ATP8B2: variants seen among roughly 807,000 people sequenced by gnomAD.
The protein encoded by ATP8B2 is phospholipid-transporting ATPase ID.
A neutral mutation model predicts 133.4 loss-of-function variants in ATP8B2; 70 were observed. The observed-to-expected ratio is 0.52, with a 90% CI of 0.43 to 0.64. ATP8B2 has a LOEUF of 0.64. ATP8B2 is among the 30% of genes least tolerant of loss of function. ATP8B2 has a pLI of 0.00. For synonymous variants in ATP8B2, 517 were observed against 589.5 expected, an observed-to-expected ratio of 0.88 and a Z score of 1.78; for missense variants, 1,101 against 1,535.7, an observed-to-expected ratio of 0.72 and a Z score of 4.73.
rs1686458573 is a variant in ATP8B2 at position 154,343,584 on chromosome 1, G to A, written c.1758+16G>A. On this transcript the variant is annotated intron_variant, in intron 17 of 27. Coordinates refer to ENST00000368489, the MANE Select transcript of ATP8B2 (RefSeq NM_001370597.1). This position sits in a 1 kb window ranked among gnomAD's most constrained non-coding sequence, Gnocchi z 5.8. ...CCACCTTAATGTGGGTGTGAGGAGA[G>A]GAGGGGCCAGCCTGGGGGGTTCTAC... The A allele has an allele frequency of 6.2e-7, 1 of 1,610,754 alleles. No individual in the cohort carries two copies. The highest frequency in any genetic ancestry group is 1.3e-5 in the African/African-American group (1 of 74,842).
In ATP8B2 at chr1:154,331,894, T is replaced by A; in HGVS notation, c.439-60T>A. 6 of 1,529,464 alleles carry A rather than the reference T, an allele frequency of 3.9e-6. No homozygotes were observed. The highest frequency in any genetic ancestry group is 5.4e-6 in the Non-Finnish European group (6 of 1,103,398). The allele number at this position is 1,529,464 out of a possible 1,614,324, so 94.7% of individuals were successfully genotyped here. A position where few individuals can be genotyped will look rare whatever the true frequency, so the allele number is the denominator to read the frequency against. ...AATGCTTAGTGGAAGGAGCCACCAT[T>A]ACAGCCCACTGGGGGTGGAGGTTTG... is the stretch of plus-strand genomic sequence containing the variant. On this transcript the variant is annotated intron_variant, in intron 7 of 27. Coordinates refer to ENST00000368489, the MANE Select transcript of ATP8B2 (RefSeq NM_001370597.1). The surrounding 1 kb of genome is among the most constrained non-coding windows in gnomAD (Gnocchi z 4.8).
At position 154,331,784 on chromosome 1, in the gene ATP8B2, G is replaced by A; in HGVS notation, c.438+106G>A. 1 of 1,382,364 alleles carries A rather than the reference G, an allele frequency of 7.2e-7. No homozygotes were observed. The highest frequency in any genetic ancestry group is 1.0e-6 in the Non-Finnish European group (1 of 972,326). The allele number at this position is 1,382,364 out of a possible 1,614,324, so 85.6% of individuals were successfully genotyped here. On this transcript the variant is annotated intron_variant, in intron 7 of 27. Coordinates refer to ENST00000368489, the MANE Select transcript of ATP8B2 (RefSeq NM_001370597.1). The surrounding 1 kb of genome is among the most constrained non-coding windows in gnomAD (Gnocchi z 4.8). ...GTTGCCTCTTAAACACCCGTGGCAG[G>A]AATCTTTCTCACACCAGGGGCTTCT...
intron 2 of ATP8B2, chr1:154,329,082 G>C (rs1685893939): frequency 7.7e-7 from 1 of 1,296,352 alleles, no homozygotes; most frequent in Non-Finnish European, 1.0e-6. Context: ...ACAGGTAACG[G>C]GAGGCAGCGC....
rs547426999 is a variant in ATP8B2, at chr1:154,343,310, A to G, written c.1642+9A>G. On this transcript the variant is annotated intron_variant, in intron 16 of 27. Transcript: ENST00000368489. This position sits in a 1 kb window ranked among gnomAD's most constrained non-coding sequence, Gnocchi z 5.8. ...GCGGATGTCGGTCATAGGTGAGGCC[A>G]GGCCTGGGGTGCTGGGGCGTTTGGG... 118 of 1,613,700 alleles carry G rather than the reference A, an allele frequency of 7.3e-5. 1 individual carries two copies. The East Asian group carries it at 2.5e-3, about 34-fold the overall frequency.
rs187911863 is a variant in ATP8B2 at position 154,346,728 on chromosome 1, G to C, written c.3133G>C (p.Asp1045His). ...TGCCATGCACAGCAATGGGCTCTTCGACATGTTTCCCAACCAGTTCCGGTT... is the reference window on the plus strand; with the variant it reads ...TGCCATGCACAGCAATGGGCTCTTCCACATGTTTCCCAACCAGTTCCGGTT... ...LFAMHSNGLFDMFPNQFRFVG... is the reference protein window; with the variant it reads ...LFAMHSNGLFHMFPNQFRFVG... Residue 1045 changes from aspartate (D) to histidine (H), a missense_variant, in exon 26 of 28, where the codon GAC becomes CAC. Coordinates refer to ENST00000368489, the MANE Select transcript of ATP8B2 (RefSeq NM_001370597.1). The surrounding 1 kb of genome is among the most constrained non-coding windows in gnomAD (Gnocchi z 4.5). The C allele has an allele frequency of 1.4e-4, 226 of 1,614,164 alleles. No homozygotes were observed. Among genetic ancestry groups the C allele is most frequent in the Middle Eastern group, 6.6e-4 (4 of 6,062 alleles).
In ATP8B2 at chr1:154,340,768, G is replaced by T; in HGVS notation, c.1035-86G>T. The T allele has an allele frequency of 7.8e-7, 1 of 1,284,022 alleles. No individual in the cohort carries two copies. The highest frequency in any genetic ancestry group is 1.1e-6 in the Non-Finnish European group (1 of 890,948). The allele number at this position is 1,284,022 out of a possible 1,614,324, so 79.5% of individuals were successfully genotyped here. On this transcript the variant is annotated intron_variant, in intron 12 of 27. Coordinates refer to ENST00000368489, the MANE Select transcript of ATP8B2 (RefSeq NM_001370597.1). The surrounding 1 kb of genome is among the most constrained non-coding windows in gnomAD (Gnocchi z 4.0). ...TCTTCTCCGTTCTTGTCTCTCCCCA[G>T]GCGGAGGGCCTGCAGCGAAGGCCCA... is the stretch of plus-strand genomic sequence containing the variant.
At chr1:154,348,765 C>T (rs1208514745) in intron 27 of ATP8B2, 75 bp from the exon 28 acceptor site, 2 of 1,473,046 alleles carry the variant, frequency 1.4e-6, no homozygotes, top group Middle Eastern at 1.8e-4. Flanking sequence ...GTCCCGGGTG[C>T]TGTGGGTCCC....
In ATP8B2 at chr1:154,332,044, TC is replaced by T; in HGVS notation, c.509+21del. On this transcript the variant is annotated intron_variant, in intron 8 of 27. Transcript: ENST00000368489. ...TGATGGGTAAGTGGCATGCTCAGTG[TC>T]AGCCCTCTCCTTCTGTCTCTTTGGA... 1 of 1,603,678 alleles carries T rather than the reference TC, an allele frequency of 6.2e-7. No homozygotes were observed.
Position 154,344,500 on chromosome 1 carries a change from G to C in ATP8B2, c.2141G>C (p.Arg714Thr). The C allele has an allele frequency of 6.2e-7, 1 of 1,614,138 alleles. No individual in the cohort carries two copies. Among genetic ancestry groups the C allele is most frequent in the Non-Finnish European group, 8.5e-7 (1 of 1,180,004 alleles). ...GTCCTGGAGGTGCGGGAGGAGCTCA[G>C]GTAAACAAGAAGCCCAGGGGAGGCG... ...HTVLEVREEL[R>T]KAREKMMDSS... Residue 714 changes from arginine (R) to threonine (T), a missense_variant and splice_region_variant, in exon 20 of 28, where the codon AGG becomes ACG. By Grantham distance (71) the Arg-to-Thr change is moderately conservative (BLOSUM62 -1). Transcript: ENST00000368489. This position sits in a 1 kb window ranked among gnomAD's most constrained non-coding sequence, Gnocchi z 4.1.
chr1:154,335,624 G>A (rs184782918), intron 11 of ATP8B2, among the ~76,000 whole-genome samples: 129 of 152,162 alleles, frequency 8.5e-4, no homozygotes, highest in African/African-American at 2.9e-3. Context: ...CTGGGAGATT[G>A]AGGCTGCGTT....
Position 154,328,955 on chromosome 1 carries a change from G to A in ATP8B2, c.31+783G>A. 1 of 1,303,874 alleles carries A rather than the reference G, an allele frequency of 7.7e-7. No homozygotes were observed. Among genetic ancestry groups the A allele is most frequent in the Non-Finnish European group, 1.0e-6 (1 of 988,830 alleles). 80.8% of individuals were successfully genotyped at this position (1,303,874 alleles called of 1,614,324 possible). On this transcript the variant is annotated intron_variant, in intron 2 of 27. Coordinates refer to ENST00000368489, the MANE Select transcript of ATP8B2 (RefSeq NM_001370597.1). This position sits in a 1 kb window ranked among gnomAD's most constrained non-coding sequence, Gnocchi z 4.6. The stretch of plus-strand genomic sequence containing the variant: ...ATGCCACTAAGGCCAAGGACATATA[G>A]ACGGTCTGCCCTCCCCCACTCAAAC...
At position 154,332,714 on chromosome 1, in the gene ATP8B2, G is replaced by C. The variant is rs12077870; in HGVS notation, c.589+17G>C. On this transcript the variant is annotated intron_variant, in intron 9 of 27. Transcript: ENST00000368489. ...AGTTTGACGGTGAGTAATTTTGGAG[G>C]AGCAGCCTGAAGGTAGAGGAGTGGG... 0.3 allele frequency: 469,825 copies of C among 1,546,206 alleles called. 72,618 individuals are homozygous for C. The highest frequency in any genetic ancestry group is 0.34 in the South Asian group (28,810 of 84,496).
chr1:154,331,173 G>T lies in ATP8B2; in HGVS notation c.303+27G>T. 3 of 1,598,690 alleles carry T rather than the reference G, an allele frequency of 1.9e-6. No individual in the cohort carries two copies. Among genetic ancestry groups the T allele is most frequent in the Non-Finnish European group, 2.6e-6 (3 of 1,167,028 alleles). ...TGAGTGGTTTTCATTCTTCTATTTT[G>T]TCCCAGTCACCCACCCCTACTCCCA... On this transcript the variant is annotated intron_variant, in intron 5 of 27. Transcript: ENST00000368489. This position sits in a 1 kb window ranked among gnomAD's most constrained non-coding sequence, Gnocchi z 4.8.
At position 154,345,101 on chromosome 1, in the gene ATP8B2, A is replaced by G; in HGVS notation, c.2417A>G (p.Lys806Arg). 6.2e-7 allele frequency: 1 copy of G among 1,614,218 alleles called. No individual in the cohort carries two copies. The highest frequency in any genetic ancestry group is 1.1e-5 in the South Asian group (1 of 91,090). The change falls in exon 22 of 28, where the codon AAG (lysine) becomes AGG (arginine). Residue 806 changes from lysine to arginine, a missense_variant. Physicochemically the swap from Lys to Arg is conservative, Grantham distance 26 (BLOSUM62 2). Transcript: ENST00000368489. The surrounding 1 kb of genome is among the most constrained non-coding windows in gnomAD (Gnocchi z 5.6). ...QVVELVKKYK[K>R]AVTLAIGDGA... ...GTAGAACTGGTCAAGAAGTACAAGA[A>G]GGCTGTGACGCTTGCCATTGGAGAC...
chr1:154,336,298 A>C (rs1009211921), intron 11 of ATP8B2, among the ~76,000 whole-genome samples: 2 of 152,118 alleles, frequency 1.3e-5, no homozygotes, highest in African/African-American at 4.8e-5. Flanking sequence ...CCACATGATA[A>C]TTGGTGACAG....
At chr1:154,348,622 G>T in intron 27 of ATP8B2, 84 bp downstream of exon 27, 5 of 1,551,732 alleles carry the variant, frequency 3.2e-6, no homozygotes, top group Non-Finnish European at 4.4e-6. Context: ...GCTCTGTGGG[G>T]CCATGTGGCT....
Position 154,345,205 on chromosome 1 carries a change from G to A in ATP8B2, c.2470+51G>A, listed in dbSNP as rs775636100. ...AGGCTGGGCTTGAGGCTGGGGAGGGGCCCACTGAGGTCTCTGGACTGCAGA... is the reference window on the plus strand; with the variant it reads ...AGGCTGGGCTTGAGGCTGGGGAGGGACCCACTGAGGTCTCTGGACTGCAGA... On this transcript the variant is annotated intron_variant, in intron 22 of 27. Coordinates refer to ENST00000368489, the MANE Select transcript of ATP8B2 (RefSeq NM_001370597.1). This position sits in a 1 kb window ranked among gnomAD's most constrained non-coding sequence, Gnocchi z 5.6. The A allele has an allele frequency of 9.7e-5, 156 of 1,600,448 alleles. 1 individual carries two copies. The highest frequency in any genetic ancestry group is 1.6e-5 in the Non-Finnish European group (19 of 1,171,218).
At position 154,328,533 on chromosome 1, in the gene ATP8B2, C is replaced by T. The variant is rs2149158304; in HGVS notation, c.31+361C>T. ...CATCTACCGGTTCTCCTGGTTTTTC[C>T]GCGGGCGGGGGTGTGTGTGTGTGAA... is the stretch of plus-strand genomic sequence containing the variant. On this transcript the variant is annotated intron_variant, in intron 2 of 27. Coordinates refer to ENST00000368489, the MANE Select transcript of ATP8B2 (RefSeq NM_001370597.1). The surrounding 1 kb of genome is among the most constrained non-coding windows in gnomAD (Gnocchi z 4.6). 6.6e-6 allele frequency among the ~76,000 whole-genome samples: 1 copy of T among 152,216 alleles called. No homozygotes were observed. Among genetic ancestry groups the T allele is most frequent in the Admixed American group, 6.5e-5 (1 of 15,268 alleles).
chr1:154,349,144 A>C lies in ATP8B2; in HGVS notation c.*26A>C, dbSNP rs1386884756. ...AGGCCGAGGATGGATGCCCTGTGCC[A>C]GTGACCAGAGCACCCAGGGCTGGCC... On this transcript the variant is annotated 3_prime_UTR_variant, in exon 28 of 28. Transcript: ENST00000368489. 2 of 1,605,416 alleles carry C rather than the reference A, an allele frequency of 1.2e-6. No individual in the cohort carries two copies. Among genetic ancestry groups the C allele is most frequent in the South Asian group, 1.1e-5 (1 of 90,396 alleles).
Sources: gnomAD v4.1 joint callset for allele counts (sites outside exome capture counted in the v4.1 genomes callset) on GRCh38, gnomAD v4.1.1 for gene constraint, Gnocchi (gnomAD v3.1) non-coding constraint, MANE v1.5 for transcripts, NCBI Gene and HGNC (gene_info 2026-07-23, HGNC 2026-07-21) for gene names.